PDE7B: variants seen among roughly 807,000 people sequenced by gnomAD.
PDE7B encodes the protein 3',5'-cyclic-AMP phosphodiesterase 7B.
A neutral mutation model predicts 56.2 loss-of-function variants in PDE7B; 29 were observed. The observed-to-expected ratio is 0.52, with a 90% CI of 0.38 to 0.70. PDE7B has a LOEUF of 0.70. PDE7B is among the 30% of genes least tolerant of loss of function. The probability of loss-of-function intolerance (pLI) is 0.00; values close to 1 mark genes in which losing one functional copy is unlikely to be tolerated. For missense variants in PDE7B, 490 were observed against 565.0 expected (o/e 0.87, Z 1.35); for synonymous variants, 197 against 196.9 (o/e 1.00, Z 0.00).
chr6:136,076,247 G>A (rs574816289), intron 2 of PDE7B, among the ~76,000 whole-genome samples: 2 of 152,144 alleles, frequency 1.3e-5, no homozygotes, highest in African/African-American at 4.8e-5. Flanking sequence ...AATGCAGGTG[G>A]ATCACTTGAG....
At chr6:135,972,257 A>C (rs980280310) in intron 2 of PDE7B, among the ~76,000 whole-genome samples, 1 of 150,038 alleles carries the variant, frequency 6.7e-6, no homozygotes, top group Non-Finnish European at 1.5e-5. Flanking sequence ...AAAAAAAAAA[A>C]AAAACCCAAA....
intron 2 of PDE7B, among the ~76,000 whole-genome samples, chr6:136,086,500 A>T (rs934945096): frequency 3.3e-5 from 5 of 152,106 alleles, no homozygotes; most frequent in African/African-American, 9.7e-5. Context: ...ATATTCCCTT[A>T]TTCTATCTGC....
chr6:135,989,549 G>A (rs954222447), intron 2 of PDE7B, among the ~76,000 whole-genome samples: 5 of 152,116 alleles, frequency 3.3e-5, no homozygotes, highest in African/African-American at 7.2e-5. Flanking sequence ...AGGAGGCAGA[G>A]GTTGTGGTGA....
At chr6:136,181,791 A>G (rs556786662) in intron 11 of PDE7B, among the ~76,000 whole-genome samples, 1 of 152,268 alleles carries the variant, frequency 6.6e-6, no homozygotes, top group East Asian at 1.9e-4. Flanking sequence ...AATTGGACAC[A>G]GCTGACCAAA....
intron 3 of PDE7B, among the ~76,000 whole-genome samples, chr6:136,139,680 T>C (rs1778283236): frequency 6.6e-6 from 1 of 152,228 alleles, no homozygotes; most frequent in African/African-American, 2.4e-5. Context: ...TGTGAGATGG[T>C]ATCTCATTGT....
chr6:135,989,742 G>A (rs985646169), intron 2 of PDE7B, among the ~76,000 whole-genome samples: 1 of 152,144 alleles, frequency 6.6e-6, no homozygotes, highest in African/African-American at 2.4e-5. Flanking sequence ...TAGAGAATTG[G>A]TTTAATTACA....
chr6:135,925,069 T>C (rs1428889232), intron 1 of PDE7B, among the ~76,000 whole-genome samples: 1 of 151,492 alleles, frequency 6.6e-6, no homozygotes, highest in Non-Finnish European at 1.5e-5. Flanking sequence ...ATGAACATTT[T>C]TAATAGTTTA....
chr6:136,125,670 A>T (rs1778011682), intron 3 of PDE7B, among the ~76,000 whole-genome samples: 1 of 152,310 alleles, frequency 6.6e-6, no homozygotes, highest in South Asian at 2.1e-4. Context: ...GTATAGGCAG[A>T]TATGGTAAAA....
chr6:136,162,117 C>CTCA (rs955126099), intron 8 of PDE7B: 4 of 152,114 alleles, frequency 2.6e-5, no homozygotes, highest in African/African-American at 9.7e-5. Flanking sequence ...ACATGTCTGA[C>CTCA]TCATTCTAAG....
rs183484715 is a variant in PDE7B, at chr6:136,181,277, G to A, written c.999G>A (p.Met333Ile). The A allele has an allele frequency of 9.3e-5, 150 of 1,613,908 alleles. 2 individuals are homozygous for A. In the Admixed American group the frequency reaches 2.5e-3, roughly 27 times the overall value. Residue 333 changes from methionine to isoleucine, a missense_variant, in exon 11 of 13, where the codon ATG (methionine) becomes ATA (isoleucine). Coordinates refer to ENST00000308191, the MANE Select transcript of PDE7B (RefSeq NM_018945.4). ...DICNPCRIWE[M>I]SKQWSERVCE... ...GCAATCCTTGTAGAATCTGGGAGAT[G>A]AGCAAGCAGTGGAGTGAAAGGGTCT...
chr6:136,191,037 T>TTTTTTTTTTTA (rs1471563191), intron 12 of PDE7B, among the ~76,000 whole-genome samples: 13 of 143,212 alleles, frequency 9.1e-5, no homozygotes, highest in African/African-American at 3.7e-4. Context: ...TTTTTTTTTT[T>TTTTTTTTTTTA]ACTTATATGT....
chr6:135,954,675 G>A (rs1284701786), intron 2 of PDE7B, among the ~76,000 whole-genome samples: 3 of 152,116 alleles, frequency 2.0e-5, no homozygotes, highest in Non-Finnish European at 4.4e-5. Context: ...ATTGTGCTGA[G>A]AATACAGGAA....
At chr6:136,118,525 A>G (rs1470883523) in intron 3 of PDE7B, among the ~76,000 whole-genome samples, 2 of 152,214 alleles carry the variant, frequency 1.3e-5, no homozygotes, top group African/African-American at 4.8e-5. Context: ...TAAAGTAGCC[A>G]CTACTATTAC....
At chr6:135,948,001 A>G (rs925185611) in intron 2 of PDE7B, among the ~76,000 whole-genome samples, 4 of 152,098 alleles carry the variant, frequency 2.6e-5, no homozygotes, top group Admixed American at 1.3e-4. Flanking sequence ...GTAACAAAAT[A>G]ACAACATTGT....
At chr6:136,112,873 TATAAGGTGACTCTTG>T (rs371313758) in intron 3 of PDE7B, among the ~76,000 whole-genome samples, 421 of 152,314 alleles carry the variant, frequency 2.8e-3, no homozygotes, top group African/African-American at 8.9e-3. Context: ...GTTTTCTGCA[TATAAGGTGACTCTTG>T]GTTTGCCTGG....
intron 4 of PDE7B, among the ~76,000 whole-genome samples, 194 bp downstream of exon 4, chr6:136,147,696 G>A (rs561957644): frequency 4.6e-5 from 7 of 152,262 alleles, no homozygotes; most frequent in South Asian, 4.1e-4. Context: ...TGAGGTGCAC[G>A]AAGTAAACCA....
At chr6:135,896,504 A>G (rs1412512434) in intron 1 of PDE7B, among the ~76,000 whole-genome samples, 3 of 152,158 alleles carry the variant, frequency 2.0e-5, no homozygotes, top group African/African-American at 7.2e-5. Context: ...ATCTGCTTCA[A>G]AACTTTGCTA....
intron 1 of PDE7B, among the ~76,000 whole-genome samples, chr6:135,934,525 G>A (rs1334811958): frequency 9.3e-5 from 14 of 151,030 alleles, no homozygotes; most frequent in African/African-American, 3.2e-4. Flanking sequence ...TCAGGAGTTC[G>A]AGACCAGTCT....
At chr6:135,891,216 G>A (rs187734551) in intron 1 of PDE7B, among the ~76,000 whole-genome samples, 34 of 152,284 alleles carry the variant, frequency 2.2e-4, no homozygotes, top group African/African-American at 7.7e-4. Context: ...GGAAAATTAG[G>A]CTTCAAAGCA....
Sources: gnomAD v4.1 joint callset for allele counts (sites outside exome capture counted in the v4.1 genomes callset) on GRCh38, gnomAD v4.1.1 for gene constraint, MANE v1.5 for transcripts, NCBI Gene and HGNC (gene_info 2026-07-23, HGNC 2026-07-21) for gene names.